HERC1: variants seen among roughly 807,000 people sequenced by gnomAD.
HERC1 encodes HECT and RLD domain containing E3 ubiquitin protein ligase family member 1, also known as probable E3 ubiquitin-protein ligase HERC1.
In HERC1, 160 loss-of-function variants were observed where a neutral mutation model predicts 554.3. The observed-to-expected ratio is 0.29, with a 90% CI of 0.25 to 0.33. The LOEUF (loss-of-function observed/expected upper bound fraction) is 0.33, where lower values mean the gene tolerates loss of function less well. Ranked by LOEUF, HERC1 falls within the 10% of genes least tolerant of loss-of-function variation. The probability of loss-of-function intolerance (pLI) is 1.00; values close to 1 mark genes in which losing one functional copy is unlikely to be tolerated. For missense variants in HERC1, 4,919 were observed against 5,918.5 expected (o/e 0.83, Z 5.54); for synonymous variants, 2,175 against 2,131.7 (o/e 1.02, Z -0.56).
At chr15:63,703,910 C>T (rs1464425711) in intron 25 of HERC1, among the ~76,000 whole-genome samples, 1 of 148,582 alleles carries the variant, frequency 6.7e-6, no homozygotes, top group Non-Finnish European at 1.5e-5. Context: ...GAGCAAGACA[C>T]TGTCTCAAAA....
chr15:63,690,121 C>G (rs1391721278), intron 32 of HERC1, among the ~76,000 whole-genome samples: 3 of 150,430 alleles, frequency 2.0e-5, no homozygotes, highest in Non-Finnish European at 4.4e-5. Context: ...TGAGATCGCG[C>G]CACTGCACTC....
chr15:63,624,565 T>C (rs1191758674), intron 71 of HERC1, among the ~76,000 whole-genome samples: 1 of 152,124 alleles, frequency 6.6e-6, no homozygotes, highest in Non-Finnish European at 1.5e-5. Flanking sequence ...CATGGTGGCA[T>C]GTGCCTGTAC....
In HERC1 at chr15:63,649,706, C is replaced by CA; in HGVS notation, c.10747+18_10747+19insT. 1.3e-6 allele frequency: 2 copies of CA among 1,497,254 alleles called. No individual in the cohort carries two copies. The highest frequency in any genetic ancestry group is 1.8e-6 in the Non-Finnish European group (2 of 1,085,274). The allele number at this position is 1,497,254 out of a possible 1,614,324, so 92.7% of individuals were successfully genotyped here. ...GAAGTTGGAGACTCCGTCAGCTAGA[C>CA]GTAAGTGCAGTCATTTACCATCCTT... On this transcript the variant is annotated intron_variant, in intron 54 of 77. Coordinates refer to ENST00000443617, the MANE Select transcript of HERC1 (RefSeq NM_003922.4).
chr15:63,764,696 C>G (rs553425070), intron 2 of HERC1, among the ~76,000 whole-genome samples: 1 of 152,306 alleles, frequency 6.6e-6, no homozygotes, highest in Admixed American at 6.5e-5. Flanking sequence ...ACAACCCCCA[C>G]CACCAGGTAT....
chr15:63,751,360 T>C (rs1360331365), intron 8 of HERC1, among the ~76,000 whole-genome samples: 2 of 152,204 alleles, frequency 1.3e-5, no homozygotes, highest in African/African-American at 4.8e-5. Context: ...AGGAGCGTAG[T>C]AGGCTACACC....
At chr15:63,651,748 T>C (rs1008329252) in intron 52 of HERC1, among the ~76,000 whole-genome samples, 6 of 152,118 alleles carry the variant, frequency 3.9e-5, no homozygotes, top group African/African-American at 1.4e-4. Context: ...ATAAAACTAT[T>C]AAAAATGCGG....
intron 1 of HERC1, among the ~76,000 whole-genome samples, chr15:63,829,497 TATACAC>T (rs1414216187): frequency 1.8e-5 from 1 of 55,070 alleles, no homozygotes; most frequent in African/African-American, 6.4e-5. Context: ...TATATATATA[TATACAC>T]ACACACACAT....
intron 56 of HERC1, 117 bp from the exon 57 acceptor site, chr15:63,645,214 T>A: frequency 1.3e-6 from 1 of 785,720 alleles, no homozygotes; most frequent in South Asian, 1.6e-5. Flanking sequence ...TTAAACTTAT[T>A]TGTAGTACAT....
intron 23 of HERC1, 74 bp downstream of exon 23, chr15:63,713,279 A>T (rs2073394904): frequency 7.8e-7 from 1 of 1,280,046 alleles, no homozygotes; most frequent in Non-Finnish European, 1.1e-6. Context: ...TAACTTTGGA[A>T]ACAAACCATT....
rs2067829327 is a variant in HERC1 at position 63,616,587 on chromosome 15, G to A, written c.13784C>T (p.Pro4595Leu). ...CAGAGGGGCCAAGTGGAGGTCCAGA[G>A]GCTTCTTTGTGCGAATGGCAACCCC... The part of the protein sequence containing the change: ...LMGVAIRTKK[P>L]LDLHLAPLVW... Residue 4595 changes from proline (P) to leucine (L), a missense_variant, in exon 75 of 78, where the codon CCT becomes CTT. Pro to Leu is a moderately conservative substitution (Grantham distance 98). This residue lies in a region of HERC1 where 284 missense variants were observed against 294.1 expected (regional missense o/e 0.97). Transcript: ENST00000443617. 1 of 1,613,806 alleles carries A rather than the reference G, an allele frequency of 6.2e-7. No homozygotes were observed. The highest frequency in any genetic ancestry group is 1.1e-5 in the South Asian group (1 of 91,084).
In HERC1 at chr15:63,727,955, G is replaced by A. The variant is rs994172102; in HGVS notation, c.3155-117C>T. On this transcript the variant is annotated intron_variant, in intron 16 of 77. Coordinates refer to ENST00000443617, the MANE Select transcript of HERC1 (RefSeq NM_003922.4). The surrounding 1 kb of genome is among the most constrained non-coding windows in gnomAD (Gnocchi z 4.3). ...GAGTAGACTCATTCAACAACTCTCTGTTGAACACCTACCTGGTAGCTGATG... is the reference window on the plus strand; with the variant it reads ...GAGTAGACTCATTCAACAACTCTCTATTGAACACCTACCTGGTAGCTGATG... 1.4e-6 allele frequency: 1 copy of A among 711,170 alleles called. No individual in the cohort carries two copies. The highest frequency in any genetic ancestry group is 1.8e-5 in the African/African-American group (1 of 56,044). The allele number at this position is 711,170 out of a possible 1,614,324, so 44.1% of individuals were successfully genotyped here.
intron 2 of HERC1, among the ~76,000 whole-genome samples, chr15:63,771,164 G>A (rs545363064): frequency 3.6e-4 from 54 of 151,914 alleles, no homozygotes; most frequent in African/African-American, 1.3e-3. Flanking sequence ...ACTCCAGCCT[G>A]GGTGGCAGAG....
intron 1 of HERC1, among the ~76,000 whole-genome samples, chr15:63,798,058 C>G (rs1181087987): frequency 6.6e-6 from 1 of 152,104 alleles, no homozygotes; most frequent in Non-Finnish European, 1.5e-5. Context: ...ACACACATGT[C>G]CAAGTCCCCA....
rs1293656166 is a variant in HERC1 at position 63,674,782 on chromosome 15, T to A, written c.7406A>T (p.Asp2469Val). ...SENEIASFSL[D>V]PTLPSVESQH... ...GGATTCCACACTTGGCAGTGTTGGA[T>A]CTAAAGAAAATGAAGCGATTTCATT... The change falls in exon 38 of 78, where the codon GAT becomes GTT. Residue 2469 changes from aspartate (D) to valine (V), a missense_variant. Transcript: ENST00000443617. 6.2e-7 allele frequency: 1 copy of A among 1,613,976 alleles called. No individual in the cohort carries two copies. The highest frequency in any genetic ancestry group is 2.2e-5 in the East Asian group (1 of 44,878).
intron 38 of HERC1, among the ~76,000 whole-genome samples, chr15:63,673,051 A>C (rs1293087352): frequency 6.6e-6 from 1 of 152,192 alleles, no homozygotes; most frequent in East Asian, 1.9e-4. Flanking sequence ...TGTTTCCTTC[A>C]CACTTTCATT....
intron 8 of HERC1, among the ~76,000 whole-genome samples, chr15:63,750,376 T>C (rs1473101345): frequency 6.6e-6 from 1 of 152,114 alleles, no homozygotes; most frequent in Non-Finnish European, 1.5e-5. Context: ...TGATTTAAGA[T>C]GCTTGGGGAA....
chr15:63,657,186 C>T (rs866234718), intron 48 of HERC1, among the ~76,000 whole-genome samples: 13 of 151,280 alleles, frequency 8.6e-5, no homozygotes, highest in Middle Eastern at 6.8e-3. Flanking sequence ...TCACTTTTTT[C>T]TCTCTAGTGT....
In HERC1 at chr15:63,718,385, C is replaced by T. The variant is rs1164002004; in HGVS notation, c.3978+189G>A. 3 of 507,514 alleles carry T rather than the reference C, an allele frequency of 5.9e-6. No homozygotes were observed. Among genetic ancestry groups the T allele is most frequent in the South Asian group, 7.9e-5 (2 of 25,328 alleles). 31.4% of individuals were successfully genotyped at this position (507,514 alleles called of 1,614,324 possible). ...AAAGTTTCTTAGAACCAATATCACA[C>T]TTGGTAAATGTGAGGTTAAGTAAAT... On this transcript the variant is annotated intron_variant, in intron 21 of 77. Transcript: ENST00000443617. The surrounding 1 kb of genome is among the most constrained non-coding windows in gnomAD (Gnocchi z 4.2).
chr15:63,820,299 G>T (rs2077642243), intron 1 of HERC1, among the ~76,000 whole-genome samples: 1 of 151,976 alleles, frequency 6.6e-6, no homozygotes, highest in South Asian at 2.1e-4. Flanking sequence ...CCAAAAGAAT[G>T]AGCAAATTTT....
Sources: gnomAD v4.1 joint callset for allele counts (sites outside exome capture counted in the v4.1 genomes callset) on GRCh38, gnomAD v4.1.1 for gene constraint, gnomAD v4.1.1 regional missense constraint, Gnocchi (gnomAD v3.1) non-coding constraint, MANE v1.5 for transcripts, NCBI Gene and HGNC (gene_info 2026-07-23, HGNC 2026-07-21) for gene names.